The following RALGPS2 variants were observed in gnomAD, a reference collection of about 807,000 sequenced individuals.
The protein encoded by RALGPS2 is Ral GEF with PH domain and SH3 binding motif 2.
In RALGPS2, 43 loss-of-function variants were observed where a neutral mutation model predicts 86.8. The observed-to-expected ratio is 0.50, with a 90% confidence interval of 0.39 to 0.64. The LOEUF is 0.64. RALGPS2 is among the 30% of genes least tolerant of loss of function. RALGPS2 has a pLI of 0.00. For missense variants in RALGPS2, 536 were observed against 694.6 expected, an observed-to-expected ratio of 0.77 and a Z score of 2.57; for synonymous variants, 243 against 231.3, an observed-to-expected ratio of 1.05 and a Z score of -0.46.
At chr1:178,802,009 C>A (rs978458964) in intron 4 of RALGPS2, among the ~76,000 whole-genome samples, 2 of 152,024 alleles carry the variant, frequency 1.3e-5, no homozygotes, top group Non-Finnish European at 2.9e-5. Flanking sequence ...ACATCACTAG[C>A]CTATCTCATA....
chr1:178,884,959 A>G, intron 11 of RALGPS2, 117 bp from the exon 12 acceptor site: 1 of 1,002,344 alleles, frequency 1.0e-6, no homozygotes, highest in Non-Finnish European at 1.4e-6. Flanking sequence ...TCTTCAAGCC[A>G]ATTAAATAGA....
chr1:178,761,435 A>C (rs1336305934), intron 1 of RALGPS2, among the ~76,000 whole-genome samples: 1 of 152,066 alleles, frequency 6.6e-6, no homozygotes, highest in Non-Finnish European at 1.5e-5. Flanking sequence ...GTCTCAAAAA[A>C]AAAAAAAATT....
intron 1 of RALGPS2, among the ~76,000 whole-genome samples, chr1:178,750,815 C>T (rs1651610908): frequency 1.3e-5 from 2 of 152,168 alleles, no homozygotes; most frequent in South Asian, 4.1e-4. Context: ...GTACATTTCT[C>T]TGTCTATAAT....
At chr1:178,840,827 G>T (rs566325790) in intron 8 of RALGPS2, among the ~76,000 whole-genome samples, 31 of 152,156 alleles carry the variant, frequency 2.0e-4, no homozygotes, top group Admixed American at 6.5e-4. Context: ...TATCACTACC[G>T]ATCCCACAGA....
Position 178,916,444 on chromosome 1 carries a change from T to C in RALGPS2, c.*85T>C. ...AAAGAGCGCCAGCTATAAACCATCC[T>C]GTGCCAGGAAGAGCCCAGAGGCTCT... On this transcript the variant is annotated 3_prime_UTR_variant, in exon 20 of 20. Transcript: ENST00000367635. 7.5e-7 allele frequency: 1 copy of C among 1,337,874 alleles called. No homozygotes were observed. The highest frequency in any genetic ancestry group is 1.5e-5 in the African/African-American group (1 of 67,506). 82.9% of individuals were successfully genotyped at this position (1,337,874 alleles called of 1,614,324 possible).
chr1:178,876,172 A>G (rs1231917173), intron 8 of RALGPS2, among the ~76,000 whole-genome samples: 1 of 152,206 alleles, frequency 6.6e-6, no homozygotes, highest in Non-Finnish European at 1.5e-5. Context: ...AAGATAGAGC[A>G]ACTGCCTTAA....
At chr1:178,862,632 TG>T (rs1558157471) in intron 8 of RALGPS2, among the ~76,000 whole-genome samples, 4 of 148,100 alleles carry the variant, frequency 2.7e-5, no homozygotes, top group African/African-American at 1.1e-4. Flanking sequence ...TTTATTTATT[TG>T]GTTGGTTGGT....
At chr1:178,747,788 G>A in intron 1 of RALGPS2, 1 of 762,540 alleles carries the variant, frequency 1.3e-6, no homozygotes, top group Non-Finnish European at 2.3e-6. Context: ...AGCAGAGCCT[G>A]TGCCAGCGGA....
intron 9 of RALGPS2, among the ~76,000 whole-genome samples, 178 bp downstream of exon 9, chr1:178,877,813 A>T (rs1027160669): frequency 1.3e-5 from 2 of 152,092 alleles, no homozygotes; most frequent in African/African-American, 4.8e-5. Context: ...ATCCTGTTTA[A>T]GATCTTGCTT....
intron 17 of RALGPS2, among the ~76,000 whole-genome samples, chr1:178,898,689 T>G (rs1660044242): frequency 6.6e-6 from 1 of 151,984 alleles, no homozygotes; most frequent in Non-Finnish European, 1.5e-5. Flanking sequence ...GTTTCATTTT[T>G]TAACTGTACC....
chr1:178,882,506 A>G (rs1405045929), intron 10 of RALGPS2, among the ~76,000 whole-genome samples: 12 of 152,246 alleles, frequency 7.9e-5, no homozygotes, highest in Non-Finnish European at 1.5e-5. Flanking sequence ...ATATTATCAA[A>G]TAACTGGAAT....
At chr1:178,864,470 G>C (rs1299552300) in intron 8 of RALGPS2, among the ~76,000 whole-genome samples, 2 of 152,136 alleles carry the variant, frequency 1.3e-5, no homozygotes, top group African/African-American at 4.8e-5. Flanking sequence ...TAGTAGTTGA[G>C]TCATCTGCTG....
chr1:178,759,705 C>G (rs1274481524), intron 1 of RALGPS2, among the ~76,000 whole-genome samples: 1 of 151,808 alleles, frequency 6.6e-6, no homozygotes, highest in Non-Finnish European at 1.5e-5. Context: ...AATATTGATT[C>G]TTTGAGTCCG....
At chr1:178,758,727 G>A (rs1375920972) in intron 1 of RALGPS2, among the ~76,000 whole-genome samples, 2 of 152,088 alleles carry the variant, frequency 1.3e-5, no homozygotes, top group African/African-American at 2.4e-5. Context: ...TAAATGACAG[G>A]ATCTCAGTCT....
At chr1:178,856,901 A>G (rs1224042769) in intron 8 of RALGPS2, among the ~76,000 whole-genome samples, 1 of 152,190 alleles carries the variant, frequency 6.6e-6, no homozygotes, top group African/African-American at 2.4e-5. Flanking sequence ...CATAATTTGT[A>G]TTCAGCTGCA....
intron 8 of RALGPS2, among the ~76,000 whole-genome samples, chr1:178,875,443 G>A (rs753373403): frequency 5.3e-5 from 8 of 152,062 alleles, no homozygotes; most frequent in Non-Finnish European, 1.2e-4. Flanking sequence ...TTATAAGTAG[G>A]GGAGATTTAA....
intron 19 of RALGPS2, among the ~76,000 whole-genome samples, chr1:178,907,972 G>T (rs1219847949): frequency 6.6e-6 from 1 of 152,106 alleles, no homozygotes; most frequent in African/African-American, 2.4e-5. Context: ...GAGGGTACTT[G>T]TGCAGGTTTG....
At chr1:178,788,841 C>CTTTCTTTCTTTTCTTTTCTTTTCTTTTCT (rs1183666679) in intron 4 of RALGPS2, among the ~76,000 whole-genome samples, 3 of 132,498 alleles carry the variant, frequency 2.3e-5, no homozygotes, top group African/African-American at 8.7e-5. Flanking sequence ...TTCTTTCTTT[C>CTTTCTTTCTTTTCTTTTCTTTTCTTTTCT]TTTCTTTTCT....
At chr1:178,776,343 G>A (rs796150635) in intron 1 of RALGPS2, among the ~76,000 whole-genome samples, 11 of 152,310 alleles carry the variant, frequency 7.2e-5, no homozygotes, top group African/African-American at 2.6e-4. Context: ...TGTGGTATGT[G>A]TTACTTTGCC....
Sources: allele counts gnomAD v4.1 joint callset (sites outside exome capture counted in the v4.1 genomes callset), GRCh38; gene constraint gnomAD v4.1.1; transcripts MANE v1.5; gene names NCBI Gene and HGNC (gene_info 2026-07-23, HGNC 2026-07-21).